Variants in SPMIP6 observed in about 807,000 individuals in gnomAD.
SPMIP6 encodes the protein ciliated bronchial epithelial protein 1.
At chr9:34,387,156 C>A in the SPMIP6 span, among the ~76,000 whole-genome samples, 2 of 151,816 alleles carry the variant, frequency 1.3e-5, no homozygotes, top group Non-Finnish European at 2.9e-5. Context: ...GCCTCCCAGG[C>A]ATGTGCACCA....
the SPMIP6 span, chr9:34,382,583 TAAAAAA>T: frequency 1.9e-6 from 1 of 540,028 alleles, no homozygotes; most frequent in Non-Finnish European, 3.4e-6. Context: ...AGACTCTATC[TAAAAAA>T]AAAAAAAAAT....
chr9:34,381,565 C>T, the SPMIP6 span: 1 of 1,522,828 alleles, frequency 6.6e-7, no homozygotes, highest in South Asian at 1.2e-5. This position sits in a 1 kb window ranked among gnomAD's most constrained non-coding sequence, Gnocchi z 4.4. Context: ...TTCAGCAGCT[C>T]CCCACCTCTC....
the SPMIP6 span, among the ~76,000 whole-genome samples, chr9:34,396,062 T>A: frequency 6.6e-6 from 1 of 152,232 alleles, no homozygotes; most frequent in Non-Finnish European, 1.5e-5. Context: ...CAAAGATACA[T>A]GTATAAGAAT....
chr9:34,387,797 G>A, the SPMIP6 span, among the ~76,000 whole-genome samples: 8 of 152,152 alleles, frequency 5.3e-5, no homozygotes, highest in Admixed American at 5.2e-4. Context: ...CAGCATCACT[G>A]TAGGATGATC....
the SPMIP6 span, chr9:34,380,548 C>G: frequency 8.1e-7 from 1 of 1,232,576 alleles, no homozygotes; most frequent in Non-Finnish European, 1.1e-6. Context: ...GGGGCAGGGC[C>G]AAGGAGATGG....
At chr9:34,385,535 CAAAAAAAAAA>C in the SPMIP6 span, 24 of 296,972 alleles carry the variant, frequency 8.1e-5, no homozygotes, top group Middle Eastern at 8.7e-4. Context: ...AACTCCGTCT[CAAAAAAAAAA>C]AAAAAAAAAA....
chr9:34,388,840 T>C, the SPMIP6 span, among the ~76,000 whole-genome samples: 2 of 152,196 alleles, frequency 1.3e-5, no homozygotes, highest in Non-Finnish European at 2.9e-5. Context: ...AGTCCTTTAC[T>C]ATTGGCACCT....
chr9:34,382,982 A>G, the SPMIP6 span: 1 of 783,998 alleles, frequency 1.3e-6, no homozygotes, highest in Non-Finnish European at 2.2e-6. Flanking sequence ...ACCCTCACAG[A>G]CTGTCCTCAA....
the SPMIP6 span, chr9:34,379,253 T>A: frequency 1.1e-6 from 1 of 908,860 alleles, no homozygotes; most frequent in South Asian, 1.3e-5. The surrounding 1 kb of genome is among the most constrained non-coding windows in gnomAD (Gnocchi z 4.2). Context: ...CAGTTTGCAA[T>A]GCTAACCTTA....
the SPMIP6 span, among the ~76,000 whole-genome samples, chr9:34,391,760 A>G: frequency 6.6e-6 from 1 of 152,052 alleles, no homozygotes; most frequent in African/African-American, 2.4e-5. Flanking sequence ...AATTCTGTTT[A>G]TGTTTGTTTT....
chr9:34,382,569 A>C, the SPMIP6 span: 2 of 586,836 alleles, frequency 3.4e-6, no homozygotes, highest in East Asian at 5.8e-5. Flanking sequence ...TGGGTGATAG[A>C]GTGAGACTCT....
the SPMIP6 span, among the ~76,000 whole-genome samples, chr9:34,382,414 G>A: frequency 0.12 from 18,718 of 152,152 alleles, 1,503 homozygotes; most frequent in Non-Finnish European, 0.18. Context: ...CAAGATCCCC[G>A]TCTCTACTAA....
At chr9:34,379,562 C>T in the SPMIP6 span, 1,239 of 1,223,020 alleles carry the variant, frequency 1.0e-3, 5 homozygotes, top group Admixed American at 1.6e-3. The surrounding 1 kb of genome is among the most constrained non-coding windows in gnomAD (Gnocchi z 4.2). Flanking sequence ...GTTCTCATCC[C>T]GTCTACCAGA....
the SPMIP6 span, among the ~76,000 whole-genome samples, chr9:34,387,410 G>C: frequency 6.6e-6 from 1 of 152,128 alleles, no homozygotes; most frequent in East Asian, 1.9e-4. Flanking sequence ...ACATTGTTCT[G>C]TGAGCAGCTC....
chr9:34,391,665 G>A, the SPMIP6 span, among the ~76,000 whole-genome samples: 1 of 152,118 alleles, frequency 6.6e-6, no homozygotes, highest in Non-Finnish European at 1.5e-5. Flanking sequence ...AACTCACAAA[G>A]GATTTTGGTT....
the SPMIP6 span, chr9:34,381,129 G>A: frequency 1.9e-6 from 3 of 1,584,664 alleles, no homozygotes; most frequent in Non-Finnish European, 2.6e-6. This position sits in a 1 kb window ranked among gnomAD's most constrained non-coding sequence, Gnocchi z 4.4. Flanking sequence ...ATCACTTCGC[G>A]CTCTGCTCCC....
the SPMIP6 span, among the ~76,000 whole-genome samples, chr9:34,396,526 C>T: frequency 2.0e-5 from 3 of 152,158 alleles, no homozygotes; most frequent in Non-Finnish European, 4.4e-5. Context: ...GTTCAAAAAC[C>T]TGGAGCCTTA....
chr9:34,380,251 G>A, the SPMIP6 span, among the ~76,000 whole-genome samples: 27 of 152,344 alleles, frequency 1.8e-4, no homozygotes, highest in Admixed American at 1.4e-3. Context: ...GCCGCCGCGT[G>A]CAGGACGAAT....
At chr9:34,390,485 G>GT in the SPMIP6 span, among the ~76,000 whole-genome samples, 2 of 150,944 alleles carry the variant, frequency 1.3e-5, no homozygotes, top group East Asian at 1.9e-4. Flanking sequence ...ATGATCTTCT[G>GT]TTTTTTTTCT....
Sources: allele counts gnomAD v4.1 joint callset (sites outside exome capture counted in the v4.1 genomes callset), GRCh38; gene constraint gnomAD v4.1.1; non-coding constraint Gnocchi (gnomAD v3.1); transcripts MANE v1.5; gene names NCBI Gene and HGNC (gene_info 2026-07-23, HGNC 2026-07-21).